SEMA3E: variants seen among roughly 807,000 people sequenced by gnomAD.
The protein encoded by SEMA3E is semaphorin-3E.
In SEMA3E, 49 loss-of-function variants were observed where a neutral mutation model predicts 93.6. The ratio of observed to expected loss-of-function variants is 0.52; its 90% confidence interval spans 0.42 to 0.66. The LOEUF (loss-of-function observed/expected upper bound fraction) is 0.66. SEMA3E is among the 30% of genes least tolerant of loss of function. SEMA3E has a pLI of 0.00. For synonymous variants in SEMA3E, 363 were observed against 330.7 expected (o/e 1.10, Z -1.06); for missense variants, 906 against 964.8 (o/e 0.94, Z 0.81).
intron 4 of SEMA3E, among the ~76,000 whole-genome samples, chr7:83,462,417 T>A (rs1789646920): frequency 6.6e-6 from 1 of 152,132 alleles, no homozygotes. Flanking sequence ...CCAGTTCCCT[T>A]ATTAGGCTGA....
rs192638780 is a variant in SEMA3E at position 83,432,850 on chromosome 7, A to C, written c.457-14367T>G. 2.8e-4 allele frequency among the ~76,000 whole-genome samples: 42 copies of C among 152,304 alleles called. 1 individual carries two copies. Among genetic ancestry groups the C allele is most frequent in the Admixed American group, 2.3e-3 (35 of 15,306 alleles). ...AGAAAAAAAGATATCCAACATAAACATTGATCAATACAGAAAAAATAATTT... is the reference window on the plus strand; with the variant it reads ...AGAAAAAAAGATATCCAACATAAACCTTGATCAATACAGAAAAAATAATTT... On this transcript the variant is annotated intron_variant, in intron 4 of 16. Transcript: ENST00000643230.
intron 2 of SEMA3E, among the ~76,000 whole-genome samples, chr7:83,487,465 T>C (rs540666710): frequency 3.3e-5 from 5 of 152,262 alleles, no homozygotes; most frequent in Non-Finnish European, 5.9e-5. Flanking sequence ...AATTTTAATA[T>C]GGGGATCAAT....
Position 83,400,145 on chromosome 7 carries a change from G to A in SEMA3E, c.1249C>T (p.Pro417Ser). The change falls in exon 11 of 17, where the codon CCT (proline) becomes TCT (serine). Residue 417 changes from proline (P) to serine (S), a missense_variant. Physicochemically the swap from Pro to Ser is moderately conservative, Grantham distance 74 (BLOSUM62 -1). Coordinates refer to ENST00000643230, the MANE Select transcript of SEMA3E (RefSeq NM_012431.3). ...SHPLMYQAIK[P>S]AHKKPILVKT... ...ACCAATATTGGTTTTTTATGGGCAGGTTTTATGGCCTGGTACATTAGTGGA... is the reference window on the plus strand; with the variant it reads ...ACCAATATTGGTTTTTTATGGGCAGATTTTATGGCCTGGTACATTAGTGGA... The A allele has an allele frequency of 1.9e-6, 3 of 1,613,722 alleles. No homozygotes were observed. Among genetic ancestry groups the A allele is most frequent in the East Asian group, 2.2e-5 (1 of 44,844 alleles).
At chr7:83,601,851 C>G (rs1406143220) in intron 1 of SEMA3E, among the ~76,000 whole-genome samples, 1 of 152,162 alleles carries the variant, frequency 6.6e-6, no homozygotes, top group Non-Finnish European at 1.5e-5. Flanking sequence ...ATCCCCTTAT[C>G]TAATAATAAA....
At chr7:83,584,938 TC>T (rs1465588384) in intron 1 of SEMA3E, among the ~76,000 whole-genome samples, 3 of 152,120 alleles carry the variant, frequency 2.0e-5, no homozygotes, top group Non-Finnish European at 2.9e-5. Flanking sequence ...TGCAGCGTTT[TC>T]CCCTTACTAC....
At chr7:83,517,116 T>C (rs1008432078) in intron 1 of SEMA3E, among the ~76,000 whole-genome samples, 4 of 152,220 alleles carry the variant, frequency 2.6e-5, no homozygotes, top group African/African-American at 9.6e-5. Context: ...CCTTACTCCT[T>C]TCAGGGTCTA....
chr7:83,525,489 T>A (rs1791137188), intron 1 of SEMA3E, among the ~76,000 whole-genome samples: 1 of 152,050 alleles, frequency 6.6e-6, no homozygotes, highest in African/African-American at 2.4e-5. Context: ...CAATGCTTAT[T>A]TTTTGAACTT....
At chr7:83,387,880 TTA>T (rs60452250) in intron 14 of SEMA3E, among the ~76,000 whole-genome samples, 453 of 145,012 alleles carry the variant, frequency 3.1e-3, no homozygotes, top group African/African-American at 0.011. Context: ...ATATATATGT[TTA>T]TATATATATA....
chr7:83,597,151 G>A, intron 1 of SEMA3E, among the ~76,000 whole-genome samples: 1 of 152,038 alleles, frequency 6.6e-6, no homozygotes, highest in East Asian at 1.9e-4. Context: ...CTCCTGGAAA[G>A]GGACATATCC....
intron 1 of SEMA3E, among the ~76,000 whole-genome samples, chr7:83,555,001 A>T (rs200836488): frequency 7.9e-6 from 1 of 125,858 alleles, no homozygotes; most frequent in African/African-American, 2.9e-5. Flanking sequence ...AATAAATAAA[A>T]ATGGAAAAAA....
rs906734778 is a variant in SEMA3E, at chr7:83,366,601, T to G, written c.*985A>C. Reference sequence around the variant, plus strand: ...AATAGATTTTCAGTGCTGCAAAATCTTCATTTTTGACTTGTGAGATAAATT... The same window carrying G: ...AATAGATTTTCAGTGCTGCAAAATCGTCATTTTTGACTTGTGAGATAAATT... On this transcript the variant is annotated 3_prime_UTR_variant, in exon 17 of 17. Transcript: ENST00000643230. 2.0e-5 allele frequency: 3 copies of G among 152,138 alleles called. No homozygotes were observed. The highest frequency in any genetic ancestry group is 7.2e-5 in the African/African-American group (3 of 41,462). The allele number at this position is 152,138 out of a possible 1,614,324, so 9.4% of individuals were successfully genotyped here. A position where few individuals can be genotyped will look rare whatever the true frequency, so the allele number is the denominator to read the frequency against.
intron 1 of SEMA3E, among the ~76,000 whole-genome samples, chr7:83,499,814 T>G (rs145887824): frequency 6.6e-6 from 1 of 152,286 alleles, no homozygotes; most frequent in East Asian, 1.9e-4. Context: ...TGCTTATAAT[T>G]TTAAATACAC....
At position 83,363,448 on chromosome 7, in the gene SEMA3E, C is replaced by G. The variant is rs1387880831; in HGVS notation, c.*4138G>C. ...AATATGGCACACACTGTTATGAACC[C>G]AGCCAAGCAAATAAAAGGATACCAT... On this transcript the variant is annotated 3_prime_UTR_variant, in exon 17 of 17. Coordinates refer to ENST00000643230, the MANE Select transcript of SEMA3E (RefSeq NM_012431.3). The G allele has an allele frequency of 1.3e-5, 2 of 152,056 alleles. No homozygotes were observed. Among genetic ancestry groups the G allele is most frequent in the Admixed American group, 1.3e-4 (2 of 15,256 alleles). The allele number at this position is 152,056 out of a possible 1,614,324, so 9.4% of individuals were successfully genotyped here.
intron 1 of SEMA3E, among the ~76,000 whole-genome samples, chr7:83,545,552 GA>G (rs3068645): frequency 1.9e-3 from 168 of 86,404 alleles, no homozygotes; most frequent in Middle Eastern, 5.9e-3. Context: ...GAAGAGAAAT[GA>G]AAAAAAAAAA....
chr7:83,436,178 G>A (rs1268861949), intron 4 of SEMA3E, among the ~76,000 whole-genome samples: 2 of 150,992 alleles, frequency 1.3e-5, no homozygotes, highest in African/African-American at 4.8e-5. Context: ...TCTAACATAT[G>A]TGTGTGTGTG....
Position 83,367,514 on chromosome 7 carries a change from G to T in SEMA3E, c.*72C>A, listed in dbSNP as rs529040344. On this transcript the variant is annotated 3_prime_UTR_variant, in exon 17 of 17. Coordinates refer to ENST00000643230, the MANE Select transcript of SEMA3E (RefSeq NM_012431.3). ...TCTTTTAAGTAATGCAAAGAAGTTG[G>T]ATGATTTATTTTTTTACTTTTTTAC... 6.9e-7 allele frequency: 1 copy of T among 1,458,672 alleles called. No homozygotes were observed. The highest frequency in any genetic ancestry group is 1.7e-5 in the Admixed American group (1 of 59,438). 90.4% of individuals were successfully genotyped at this position (1,458,672 alleles called of 1,614,324 possible).
intron 2 of SEMA3E, among the ~76,000 whole-genome samples, chr7:83,470,048 A>T (rs1789860375): frequency 6.6e-6 from 1 of 151,978 alleles, no homozygotes; most frequent in Non-Finnish European, 1.5e-5. Flanking sequence ...GGCCTCCCAA[A>T]GTGATTATTT....
At chr7:83,521,029 T>C (rs1791034539) in intron 1 of SEMA3E, among the ~76,000 whole-genome samples, 1 of 151,530 alleles carries the variant, frequency 6.6e-6, no homozygotes, top group Non-Finnish European at 1.5e-5. Flanking sequence ...TAGATTGTTT[T>C]CATTGCAGTT....
intron 1 of SEMA3E, among the ~76,000 whole-genome samples, chr7:83,524,266 C>T (rs1162991076): frequency 6.6e-6 from 1 of 151,976 alleles, no homozygotes; most frequent in African/African-American, 2.4e-5. Context: ...CCTGAGGTAC[C>T]TTAGAGGAAA....
Sources: allele counts gnomAD v4.1 joint callset (sites outside exome capture counted in the v4.1 genomes callset), GRCh38; gene constraint gnomAD v4.1.1; transcripts MANE v1.5; gene names NCBI Gene and HGNC (gene_info 2026-07-23, HGNC 2026-07-21).